Variants in RUNX2 observed in about 807,000 individuals in gnomAD.
RUNX2 encodes the protein RUNX family transcription factor 2.
Under a neutral mutation model 51.7 loss-of-function variants are expected in RUNX2, and 10 were observed. The ratio of observed to expected loss-of-function variants is 0.19; its 90% CI spans 0.12 to 0.33. RUNX2 has a LOEUF of 0.33. Among genes scored for constraint, RUNX2 ranks in the 10% least tolerant of loss-of-function variants. RUNX2 has a pLI of 1.00. For synonymous variants in RUNX2, 276 were observed against 273.6 expected, an observed-to-expected ratio of 1.01 and a Z score of -0.09; for missense variants, 562 against 691.3, an observed-to-expected ratio of 0.81 and a Z score of 2.10.
intron 5 of RUNX2, among the ~76,000 whole-genome samples, chr6:45,481,727 C>T (rs1295181812): frequency 1.2e-4 from 19 of 152,164 alleles, no homozygotes; most frequent in Non-Finnish European, 2.1e-4. Flanking sequence ...CTTTGCTCCA[C>T]GTTTTCTTCT....
At chr6:45,476,034 C>G (rs1455283960) in intron 5 of RUNX2, among the ~76,000 whole-genome samples, 1 of 152,148 alleles carries the variant, frequency 6.6e-6, no homozygotes, top group Non-Finnish European at 1.5e-5. Context: ...TTCTCAAGCC[C>G]TTTTATATGT....
chr6:45,496,752 TA>T (rs1307910472), intron 6 of RUNX2, among the ~76,000 whole-genome samples: 1 of 152,136 alleles, frequency 6.6e-6, no homozygotes, highest in African/African-American at 2.4e-5. Flanking sequence ...ACATGCATAA[TA>T]AAACCTGTTT....
At position 45,533,620 on chromosome 6, in the gene RUNX2, G is replaced by C. The variant is rs1041785986; in HGVS notation, c.1022-11597G>C. On this transcript the variant is annotated intron_variant, in intron 7 of 8. Transcript: ENST00000647337. ...AACGAGTTACTACAACACTACATTT[G>C]GATTCGGAAGTTACATAAGGAGCAT... Among the ~76,000 whole-genome samples the C allele has an allele frequency of 2.6e-5, 4 of 152,116 alleles. No homozygotes were observed. The South Asian group carries it at 8.3e-4, about 32-fold the overall frequency.
chr6:45,422,583 A>G lies in RUNX2; in HGVS notation c.59-10A>G. The G allele has an allele frequency of 6.6e-7, 1 of 1,505,592 alleles. No homozygotes were observed. 93.3% of individuals were successfully genotyped at this position (1,505,592 alleles called of 1,614,324 possible). A position where few individuals can be genotyped will look rare whatever the true frequency, so the allele number is the denominator to read the frequency against. ...CTAACTTGTGGCTGTTGTGATGCGT[A>G]TTCCCGTAGATCCGAGCACCAGCCG... On this transcript the variant is annotated splice_polypyrimidine_tract_variant and intron_variant, in intron 2 of 8. Coordinates refer to ENST00000647337, the MANE Select transcript of RUNX2 (RefSeq NM_001024630.4).
chr6:45,479,850 T>A (rs901475518), intron 5 of RUNX2, among the ~76,000 whole-genome samples: 2 of 152,238 alleles, frequency 1.3e-5, no homozygotes, highest in African/African-American at 2.4e-5. Flanking sequence ...TGTTGTGCCT[T>A]GAAAAGAAGA....
intron 6 of RUNX2, among the ~76,000 whole-genome samples, chr6:45,497,407 G>A (rs762692392): frequency 1.1e-4 from 17 of 152,112 alleles, no homozygotes; most frequent in Non-Finnish European, 2.4e-4. Flanking sequence ...AGTCCATCAT[G>A]TTATTTATTG....
At chr6:45,447,477 T>C (rs1217622476) in intron 5 of RUNX2, among the ~76,000 whole-genome samples, 2 of 152,390 alleles carry the variant, frequency 1.3e-5, no homozygotes, top group Non-Finnish European at 2.9e-5. Context: ...TTGCAAGTTA[T>C]CATTGAATGT....
intron 2 of RUNX2, among the ~76,000 whole-genome samples, chr6:45,370,250 C>A (rs967024608): frequency 1.3e-5 from 2 of 152,118 alleles, no homozygotes; most frequent in Non-Finnish European, 2.9e-5. Context: ...TTCTGGAATA[C>A]ATTTTGAAAG....
intron 3 of RUNX2, among the ~76,000 whole-genome samples, chr6:45,430,388 G>T (rs1798510246): frequency 6.6e-6 from 1 of 152,148 alleles, no homozygotes; most frequent in African/African-American, 2.4e-5. Context: ...ATTTTGAACT[G>T]AATAACACAG....
intron 2 of RUNX2, among the ~76,000 whole-genome samples, chr6:45,384,806 CTT>C (rs2150344066): frequency 7.3e-6 from 1 of 137,530 alleles, no homozygotes; most frequent in East Asian, 2.4e-4. Flanking sequence ...TAACTTCAAA[CTT>C]CGGGGCTCAA....
At chr6:45,408,728 C>G (rs1797889497) in intron 2 of RUNX2, among the ~76,000 whole-genome samples, 1 of 151,968 alleles carries the variant, frequency 6.6e-6, no homozygotes, top group Non-Finnish European at 1.5e-5. Context: ...CAACCTTCCC[C>G]TGATGGTGTG....
chr6:45,373,597 G>A lies in RUNX2; in HGVS notation c.58+44813G>A, dbSNP rs186141395. On this transcript the variant is annotated intron_variant, in intron 2 of 8. Transcript: ENST00000647337. Reference sequence around the variant, plus strand: ...GACAGAGTATTGCTCTGTCGCCCAGGCTGGAGTGCAGTGCACGATCTCGGC... The same window carrying A: ...GACAGAGTATTGCTCTGTCGCCCAGACTGGAGTGCAGTGCACGATCTCGGC... Among the ~76,000 whole-genome samples, 77 of 152,184 alleles carry A rather than the reference G, an allele frequency of 5.1e-4. 1 individual carries two copies. The East Asian group carries it at 0.013, about 25-fold the overall frequency.
At chr6:45,370,219 G>T (rs1795826663) in intron 2 of RUNX2, among the ~76,000 whole-genome samples, 1 of 152,220 alleles carries the variant, frequency 6.6e-6, no homozygotes, top group South Asian at 2.1e-4. Flanking sequence ...AACAAGCGGA[G>T]ATGATGAGAA....
chr6:45,423,214 T>C (rs1798276220), intron 3 of RUNX2, among the ~76,000 whole-genome samples: 1 of 152,070 alleles, frequency 6.6e-6, no homozygotes, highest in Non-Finnish European at 1.5e-5. Flanking sequence ...CCTGACCCGT[T>C]CAGCACTCCT....
chr6:45,466,071 T>G (rs1346716834), intron 5 of RUNX2, among the ~76,000 whole-genome samples: 1 of 152,108 alleles, frequency 6.6e-6, no homozygotes, highest in African/African-American at 2.4e-5. Flanking sequence ...CCCAGCACTT[T>G]GGGAAGCCGA....
At chr6:45,496,928 C>T (rs1028522937) in intron 6 of RUNX2, among the ~76,000 whole-genome samples, 12 of 151,938 alleles carry the variant, frequency 7.9e-5, no homozygotes, top group Non-Finnish European at 1.3e-4. Flanking sequence ...TCACAACTCT[C>T]GCTGATGGTG....
At chr6:45,348,392 C>A (rs1010083131) in intron 2 of RUNX2, among the ~76,000 whole-genome samples, 1 of 151,706 alleles carries the variant, frequency 6.6e-6, no homozygotes, top group Admixed American at 6.6e-5. Context: ...AATAGCCAGG[C>A]ACGGTGGCTC....
intron 4 of RUNX2, among the ~76,000 whole-genome samples, chr6:45,433,216 C>T (rs1294027145): frequency 6.6e-6 from 1 of 152,104 alleles, no homozygotes; most frequent in Non-Finnish European, 1.5e-5. Context: ...GGCTCACAGC[C>T]TCCGGTAGAA....
intron 6 of RUNX2, among the ~76,000 whole-genome samples, chr6:45,504,008 C>G (rs938529879): frequency 3.9e-5 from 6 of 152,154 alleles, no homozygotes; most frequent in Non-Finnish European, 8.8e-5. Context: ...TACATAGCCT[C>G]CAGTTTTAAC....
Sources: gnomAD v4.1 joint callset for allele counts (sites outside exome capture counted in the v4.1 genomes callset) on GRCh38, gnomAD v4.1.1 for gene constraint, MANE v1.5 for transcripts, NCBI Gene and HGNC (gene_info 2026-07-23, HGNC 2026-07-21) for gene names.